The following SLC35E1 variants were observed in gnomAD, a reference collection of about 807,000 sequenced individuals.
SLC35E1 encodes the protein solute carrier family 35, member E1.
SLC35E1 carries 12 observed loss-of-function variants against 31.0 expected under a neutral mutation model. That is an observed-to-expected ratio of 0.39 (90% CI 0.25 to 0.63). The LOEUF (loss-of-function observed/expected upper bound fraction) is 0.63, where lower values mean the gene tolerates loss of function less well. SLC35E1 is among the 20% of genes least tolerant of loss of function. The probability of loss-of-function intolerance (pLI) is 0.52; values close to 1 mark genes in which losing one functional copy is unlikely to be tolerated. For missense variants in SLC35E1, 429 were observed against 572.2 expected (o/e 0.75, Z 2.55); for synonymous variants, 257 against 264.1 (o/e 0.97, Z 0.26).
chr19:16,571,893 C>A, intron 1 of SLC35E1, 51 bp downstream of exon 1: 1 of 1,518,062 alleles, frequency 6.6e-7, no homozygotes, highest in Non-Finnish European at 8.8e-7. Flanking sequence ...TGCGCCCAAA[C>A]CCGAAGCGGC....
At position 16,555,416 on chromosome 19, in the gene SLC35E1, A is replaced by G. The variant is rs73514948; in HGVS notation, c.757-19T>C. On this transcript the variant is annotated intron_variant, in intron 4 of 5. Transcript: ENST00000595753. The surrounding 1 kb of genome is among the most constrained non-coding windows in gnomAD (Gnocchi z 4.1). ...CGTAGGTCTGCAGAGACCGGAAGGT[A>G]AAGACAGCACTTCAGTGGGCAGCGG... is the stretch of plus-strand genomic sequence containing the variant. 27 of 1,611,398 alleles carry G rather than the reference A, an allele frequency of 1.7e-5. No homozygotes were observed. The African/African-American group carries it at 2.7e-4, about 16-fold the overall frequency.
Position 16,553,775 on chromosome 19 carries a change from G to C in SLC35E1, c.1137C>G (p.Asp379Glu). The change falls in exon 6 of 6, where the codon GAC (aspartate) becomes GAG (glutamate). Residue 379 changes from aspartate (D) to glutamate (E), a missense_variant. By Grantham distance (45) the Asp-to-Glu change is conservative (BLOSUM62 2). Coordinates refer to ENST00000595753, the MANE Select transcript of SLC35E1 (RefSeq NM_024881.5). ...AGATGTTGTTGCGGCCGTACTGATA[G>C]TCCCCGTGCTGGGGGAAGAGGAGGC... The part of the protein sequence containing the change: ...HNGLLFPQHG[D>E]YQYGRNNILT... 2 of 1,613,718 alleles carry C rather than the reference G, an allele frequency of 1.2e-6. No homozygotes were observed. Among genetic ancestry groups the C allele is most frequent in the South Asian group, 2.2e-5 (2 of 91,016 alleles).
At chr19:16,559,077 A>C (rs927276093) in intron 4 of SLC35E1, among the ~76,000 whole-genome samples, 2 of 152,062 alleles carry the variant, frequency 1.3e-5, no homozygotes, top group African/African-American at 4.8e-5. Flanking sequence ...CAATCCCGTG[A>C]GTTTTTAAGT....
Position 16,555,013 on chromosome 19 carries a change from C to G in SLC35E1, c.1002+139G>C, listed in dbSNP as rs902793944. 7.8e-7 allele frequency: 1 copy of G among 1,282,736 alleles called. No homozygotes were observed. Among genetic ancestry groups the G allele is most frequent in the Admixed American group, 2.7e-5 (1 of 37,294 alleles). The allele number at this position is 1,282,736 out of a possible 1,614,324, so 79.5% of individuals were successfully genotyped here. A position where few individuals can be genotyped will look rare whatever the true frequency, so the allele number is the denominator to read the frequency against. On this transcript the variant is annotated intron_variant, in intron 5 of 5. Transcript: ENST00000595753. This position sits in a 1 kb window ranked among gnomAD's most constrained non-coding sequence, Gnocchi z 4.1. ...AGGAAGCCAGAGTGGGATGGGGCTA[C>G]GCCAAGATCATAAACCAGTCAGTGG...
chr19:16,566,956 C>T (rs1438506969), intron 3 of SLC35E1, among the ~76,000 whole-genome samples: 1 of 152,218 alleles, frequency 6.6e-6, no homozygotes, highest in Non-Finnish European at 1.5e-5. Flanking sequence ...ATTGGTATAA[C>T]CTTTCTAAAA....
intron 4 of SLC35E1, chr19:16,565,675 GC>G (rs1192186659): frequency 4.6e-5 from 7 of 152,714 alleles, no homozygotes; most frequent in African/African-American, 1.5e-4. Flanking sequence ...GAGCCACCAT[GC>G]CTGGCTAATT....
Position 16,572,113 on chromosome 19 carries a change from G to C in SLC35E1, c.252C>G (p.Pro84=). ...GTCCGGGGCCCGAGACGGGCGGCGC[G>C]GGGGGCACGCGCCAGGCGCGCAGCA... ...PPLLRAWRVP[P]APPVSGPGPS... is the part of the protein sequence containing the mutation. The change falls in exon 1 of 6, where the codon CCC becomes CCG. Residue 84 remains proline, a synonymous_variant. Transcript: ENST00000595753. This position sits in a 1 kb window ranked among gnomAD's most constrained non-coding sequence, Gnocchi z 4.1. The C allele has an allele frequency of 6.6e-7, 1 of 1,511,918 alleles. No homozygotes were observed. The highest frequency in any genetic ancestry group is 8.8e-7 in the Non-Finnish European group (1 of 1,131,018). 93.7% of individuals were successfully genotyped at this position (1,511,918 alleles called of 1,614,324 possible).
chr19:16,567,298 G>A (rs2085937152), intron 3 of SLC35E1, among the ~76,000 whole-genome samples: 1 of 152,210 alleles, frequency 6.6e-6, no homozygotes, highest in South Asian at 2.1e-4. Context: ...TGGGATTATA[G>A]ATGTGAGCCA....
rs538165572 is a variant in SLC35E1, at chr19:16,555,383, C to T, written c.771G>A (p.Gln257=). The stretch of plus-strand genomic sequence containing the variant: ...CCAGGAGCAGGAGCGTCCAGGGCCA[C>T]TGGTAGACGTAGGTCTGCAGAGACC... ...LVSSDLTYVY[Q]WPWTLLLLAV... is the part of the protein sequence containing the mutation. Residue 257 remains glutamine (Q), a synonymous_variant, in exon 5 of 6, where the codon CAG becomes CAA. Coordinates refer to ENST00000595753, the MANE Select transcript of SLC35E1 (RefSeq NM_024881.5). This position sits in a 1 kb window ranked among gnomAD's most constrained non-coding sequence, Gnocchi z 4.1. 3 of 1,613,736 alleles carry T rather than the reference C, an allele frequency of 1.9e-6. No homozygotes were observed. Among genetic ancestry groups the T allele is most frequent in the South Asian group, 2.2e-5 (2 of 91,052 alleles).
intron 4 of SLC35E1, among the ~76,000 whole-genome samples, chr19:16,561,209 A>G: frequency 1.0e-5 from 1 of 98,390 alleles, no homozygotes; most frequent in African/African-American, 3.8e-5. Context: ...TCAAGACTCC[A>G]TCTCAAAAAA....
chr19:16,572,330 G>C lies in SLC35E1; in HGVS notation c.35C>G (p.Ala12Gly). The change falls in exon 1 of 6, where the codon GCG becomes GGG. Residue 12 changes from alanine to glycine, a missense_variant. Coordinates refer to ENST00000595753, the MANE Select transcript of SLC35E1 (RefSeq NM_024881.5). The surrounding 1 kb of genome is among the most constrained non-coding windows in gnomAD (Gnocchi z 4.1). ...GCTGCTCGCTGCGCCCGGGCCCCCC[G>C]CGCCGTGGCCCGCGCCCACCGCGGC... ...AAAAVGAGHG[A>G]GGPGAASSSG... is the part of the protein sequence containing the mutation. 1.7e-6 allele frequency: 2 copies of C among 1,173,260 alleles called. No individual in the cohort carries two copies. Among genetic ancestry groups the C allele is most frequent in the Non-Finnish European group, 2.1e-6 (2 of 945,006 alleles). The allele number at this position is 1,173,260 out of a possible 1,614,324, so 72.7% of individuals were successfully genotyped here.
rs769823170 is a variant in SLC35E1, at chr19:16,553,569, T to C, written c.*110A>G. The stretch of plus-strand genomic sequence containing the variant: ...CCCCAGGGCTTCTGATGGAGAGTTA[T>C]GCACCGTCCCCTCGGCTGGGTTGTA... On this transcript the variant is annotated 3_prime_UTR_variant, in exon 6 of 6. Coordinates refer to ENST00000595753, the MANE Select transcript of SLC35E1 (RefSeq NM_024881.5). The C allele has an allele frequency of 1.6e-5, 17 of 1,057,048 alleles. No individual in the cohort carries two copies. Among genetic ancestry groups the C allele is most frequent in the East Asian group, 8.0e-5 (3 of 37,648 alleles). 65.5% of individuals were successfully genotyped at this position (1,057,048 alleles called of 1,614,324 possible). A position where few individuals can be genotyped will look rare whatever the true frequency, so the allele number is the denominator to read the frequency against.
chr19:16,564,554 C>A (rs976472245), intron 4 of SLC35E1, among the ~76,000 whole-genome samples: 1 of 152,120 alleles, frequency 6.6e-6, no homozygotes, highest in Non-Finnish European at 1.5e-5. Context: ...GATCTGCCCA[C>A]CTCGGCCTCC....
intron 4 of SLC35E1, among the ~76,000 whole-genome samples, chr19:16,562,811 T>G (rs2085913728): frequency 1.3e-5 from 2 of 152,094 alleles, no homozygotes; most frequent in African/African-American, 2.4e-5. Context: ...CGGGCTCAAG[T>G]GATCTTCCCA....
chr19:16,565,831 T>C (rs1377188974), intron 4 of SLC35E1: 1 of 137,582 alleles, frequency 7.3e-6, no homozygotes, highest in African/African-American at 2.6e-5. Context: ...TTTTTTTTTT[T>C]TTTTTTTTGG....
rs1435258256 is a variant in SLC35E1 at position 16,572,098 on chromosome 19, C to T, written c.267G>A (p.Ser89=). 9.9e-6 allele frequency: 15 copies of T among 1,515,644 alleles called. No homozygotes were observed. Among genetic ancestry groups the T allele is most frequent in the Non-Finnish European group, 9.7e-6 (11 of 1,132,806 alleles). 93.9% of individuals were successfully genotyped at this position (1,515,644 alleles called of 1,614,324 possible). A position where few individuals can be genotyped will look rare whatever the true frequency, so the allele number is the denominator to read the frequency against. Residue 89 remains serine, a synonymous_variant, in exon 1 of 6, where the codon TCG becomes TCA. Transcript: ENST00000595753. The surrounding 1 kb of genome is among the most constrained non-coding windows in gnomAD (Gnocchi z 4.1). ...ACGGATGCGGACTGGGTCCGGGGCC[C>T]GAGACGGGCGGCGCGGGGGGCACGC... The part of the protein sequence containing the change: ...AWRVPPAPPV[S]GPGPSPHPSS...
rs897916347 is a variant in SLC35E1 at position 16,572,372 on chromosome 19, G to T, written c.-8C>A. The T allele has an allele frequency of 8.0e-6, 8 of 1,003,558 alleles. No individual in the cohort carries two copies. In the African/African-American group the frequency reaches 1.1e-4, roughly 13 times the overall value. 62.2% of individuals were successfully genotyped at this position (1,003,558 alleles called of 1,614,324 possible). A position where few individuals can be genotyped will look rare whatever the true frequency, so the allele number is the denominator to read the frequency against. ...CACCGCGGCCGCCGCCATCCTGCCC[G>T]AGCGGCCGCCCCTTCCAGCCCGTCC... On this transcript the variant is annotated 5_prime_UTR_variant, in exon 1 of 6. Transcript: ENST00000595753. The surrounding 1 kb of genome is among the most constrained non-coding windows in gnomAD (Gnocchi z 4.1).
rs775722955 is a variant in SLC35E1, at chr19:16,572,316, C to T, written c.49G>A (p.Ala17Thr). 1.1e-4 allele frequency: 136 copies of T among 1,252,482 alleles called. 1 individual carries two copies. The highest frequency in any genetic ancestry group is 4.8e-4 in the Admixed American group (11 of 23,024). The allele number at this position is 1,252,482 out of a possible 1,614,324, so 77.6% of individuals were successfully genotyped here. Residue 17 changes from alanine (A) to threonine (T), a missense_variant, in exon 1 of 6, where the codon GCA becomes ACA. Coordinates refer to ENST00000595753, the MANE Select transcript of SLC35E1 (RefSeq NM_024881.5). The surrounding 1 kb of genome is among the most constrained non-coding windows in gnomAD (Gnocchi z 4.1). ...CGCGCCCCACCACTGCTGCTCGCTG[C>T]GCCCGGGCCCCCCGCGCCGTGGCCC... ...GAGHGAGGPG[A>T]ASSSGGAREG...
At chr19:16,562,928 G>T (rs1294025731) in intron 4 of SLC35E1, among the ~76,000 whole-genome samples, 1 of 152,156 alleles carries the variant, frequency 6.6e-6, no homozygotes, top group African/African-American at 2.4e-5. Context: ...GACCAGGCTG[G>T]TCTCAAACTC....
Sources: gnomAD v4.1 joint callset for allele counts (sites outside exome capture counted in the v4.1 genomes callset) on GRCh38, gnomAD v4.1.1 for gene constraint, Gnocchi (gnomAD v3.1) non-coding constraint, MANE v1.5 for transcripts, NCBI Gene and HGNC (gene_info 2026-07-23, HGNC 2026-07-21) for gene names.